Variants in NBEAL1 observed in about 807,000 individuals in gnomAD.
The protein encoded by NBEAL1 is neurobeachin like 1, also known as neurobeachin-like protein 1.
Under a neutral mutation model 351.3 loss-of-function variants are expected in NBEAL1, and 273 were observed. That is an observed-to-expected ratio of 0.78 (90% confidence interval 0.70 to 0.86). The LOEUF (loss-of-function observed/expected upper bound fraction) is 0.86, where lower values mean the gene tolerates loss of function less well. NBEAL1 is among the 40% of genes least tolerant of loss of function. The pLI is 0.00. For missense variants in NBEAL1, 2,961 were observed against 3,201.3 expected, an observed-to-expected ratio of 0.92 and a Z score of 1.81; for synonymous variants, 1,050 against 1,086.4, an observed-to-expected ratio of 0.97 and a Z score of 0.66.
chr2:203,049,902 A>G lies in NBEAL1; in HGVS notation c.232A>G (p.Met78Val), dbSNP rs2061297582. ...RIQLLQCVQK[M>V]ADGLEEQQQA... is the part of the protein sequence containing the mutation. Reference sequence around the variant, plus strand: ...CCAGCTTCTACAGTGTGTTCAGAAAATGGCAGATGGGTTAGAGGAACAACA... The same window carrying G: ...CCAGCTTCTACAGTGTGTTCAGAAAGTGGCAGATGGGTTAGAGGAACAACA... The change falls in exon 4 of 56, where the codon ATG becomes GTG. Residue 78 changes from methionine (M) to valine (V), a missense_variant. Transcript: ENST00000683969. The G allele has an allele frequency of 1.3e-6, 2 of 1,557,002 alleles. No individual in the cohort carries two copies. The highest frequency in any genetic ancestry group is 2.7e-5 in the African/African-American group (2 of 73,928).
chr2:203,166,258 C>A lies in NBEAL1; in HGVS notation c.5824C>A (p.His1942Asn). The A allele has an allele frequency of 6.2e-7, 1 of 1,611,040 alleles. No individual in the cohort carries two copies. Among genetic ancestry groups the A allele is most frequent in the African/African-American group, 1.3e-5 (1 of 74,884 alleles). ...TGGCAGATTAGAAATCACTACTCAA[C>A]ACATTTACTTCTATGATGGCAGCAT... Reference protein sequence around the residue: ...IPGRLEITTQHIYFYDGSIEK... With the variant: ...IPGRLEITTQNIYFYDGSIEK... The change falls in exon 37 of 56, where the codon CAC becomes AAC. Residue 1942 changes from histidine to asparagine, a missense_variant. Coordinates refer to ENST00000683969, the MANE Select transcript of NBEAL1 (RefSeq NM_001378026.1).
chr2:203,145,797 CAA>C (rs56382460), intron 33 of NBEAL1, among the ~76,000 whole-genome samples: 2,299 of 86,136 alleles, frequency 0.027, 14 homozygotes, highest in Middle Eastern at 0.041. Flanking sequence ...GACTCCATCT[CAA>C]AAAAAAAAAA....
chr2:203,078,782 C>G (rs1326088465), intron 8 of NBEAL1, among the ~76,000 whole-genome samples: 1 of 152,156 alleles, frequency 6.6e-6, no homozygotes, highest in Non-Finnish European at 1.5e-5. Flanking sequence ...CACACGTCCC[C>G]TTGGCAATCT....
At chr2:203,185,532 A>G (rs1424982161) in intron 44 of NBEAL1, among the ~76,000 whole-genome samples, 1 of 152,142 alleles carries the variant, frequency 6.6e-6, no homozygotes, top group Non-Finnish European at 1.5e-5. Flanking sequence ...GTATAACAAT[A>G]AAAAGAAAGT....
rs2062586671 is a variant in NBEAL1 at position 203,112,105 on chromosome 2, A to G, written c.2202+7A>G. ...ATTTCCTGCCATGAATGAAGTAAGT[A>G]TATCCAACCTACTCTTTACGGGCCC... On this transcript the variant is annotated splice_region_variant and intron_variant, in intron 16 of 55. Coordinates refer to ENST00000683969, the MANE Select transcript of NBEAL1 (RefSeq NM_001378026.1). 1 of 1,550,510 alleles carries G rather than the reference A, an allele frequency of 6.4e-7. No individual in the cohort carries two copies. The highest frequency in any genetic ancestry group is 8.7e-7 in the Non-Finnish European group (1 of 1,146,760).
At chr2:203,209,696 CTATT>C (rs929847138) in intron 53 of NBEAL1, among the ~76,000 whole-genome samples, 4 of 124,172 alleles carry the variant, frequency 3.2e-5, no homozygotes, top group African/African-American at 8.6e-5. Context: ...AGTGACATCA[CTATT>C]TATTTAATTA....
rs2065914416 is a variant in NBEAL1 at position 203,217,900 on chromosome 2, G to A, written c.*546G>A. 1 of 979,010 alleles carries A rather than the reference G, an allele frequency of 1.0e-6. No homozygotes were observed. The highest frequency in any genetic ancestry group is 1.2e-6 in the Non-Finnish European group (1 of 824,140). The allele number at this position is 979,010 out of a possible 1,614,324, so 60.6% of individuals were successfully genotyped here. ...TAAGAATATTGAAACTGGTACATTA[G>A]CTAATTCTATTACTACTTAGCGTGT... On this transcript the variant is annotated 3_prime_UTR_variant, in exon 56 of 56. Transcript: ENST00000683969.
intron 31 of NBEAL1, among the ~76,000 whole-genome samples, chr2:203,141,626 G>A (rs148936985): frequency 6.1e-4 from 92 of 151,188 alleles, no homozygotes; most frequent in Non-Finnish European, 9.4e-4. Context: ...CATGTGATCC[G>A]CCCACCTCAT....
rs974360048 is a variant in NBEAL1 at position 203,056,410 on chromosome 2, G to A, written c.306-17G>A. The A allele has an allele frequency of 5.6e-6, 8 of 1,433,374 alleles. No individual in the cohort carries two copies. Among genetic ancestry groups the A allele is most frequent in the Non-Finnish European group, 7.7e-6 (8 of 1,039,898 alleles). The allele number at this position is 1,433,374 out of a possible 1,614,324, so 88.8% of individuals were successfully genotyped here. Reference sequence around the variant, plus strand: ...CACCATTCTTATGTAAAAAATTAAAGTCTCTTTTTCTCACAGAAATCTATC... The same window carrying A: ...CACCATTCTTATGTAAAAAATTAAAATCTCTTTTTCTCACAGAAATCTATC... On this transcript the variant is annotated splice_polypyrimidine_tract_variant and intron_variant, in intron 4 of 55. Transcript: ENST00000683969.
rs184273577 is a variant in NBEAL1, at chr2:203,101,378, A to T, written c.1269+1666A>T. The stretch of plus-strand genomic sequence containing the variant: ...TCTATGTGTCTGTTTTTGTACCAGT[A>T]CTATGTTGTTGTGGTTACTGTAATC... On this transcript the variant is annotated intron_variant, in intron 12 of 55. Coordinates refer to ENST00000683969, the MANE Select transcript of NBEAL1 (RefSeq NM_001378026.1). Among the ~76,000 whole-genome samples the T allele has an allele frequency of 3.2e-4, 48 of 152,308 alleles. 2 individuals carry two copies. In the East Asian group the frequency reaches 8.1e-3, roughly 26 times the overall value.
chr2:203,110,674 A>AAATAAAT (rs1553610986), intron 15 of NBEAL1, among the ~76,000 whole-genome samples: 10 of 130,880 alleles, frequency 7.6e-5, no homozygotes, highest in Non-Finnish European at 1.2e-4. Context: ...ATCCTGTCTC[A>AAATAAAT]AAATAAATAA....
At chr2:203,108,782 C>G (rs2062497323) in intron 14 of NBEAL1, among the ~76,000 whole-genome samples, 1 of 152,166 alleles carries the variant, frequency 6.6e-6, no homozygotes, top group African/African-American at 2.4e-5. Flanking sequence ...GGTGTGGTGG[C>G]ACACTTGTAA....
chr2:203,160,625 G>A (rs574660080), intron 36 of NBEAL1, among the ~76,000 whole-genome samples: 1 of 151,814 alleles, frequency 6.6e-6, no homozygotes, highest in South Asian at 2.1e-4. Context: ...CATAATTTTT[G>A]TAAAAAAAAC....
chr2:203,149,199 C>G (rs1346959987), intron 34 of NBEAL1, 51 bp downstream of exon 34: 2 of 1,416,070 alleles, frequency 1.4e-6, no homozygotes, highest in Non-Finnish European at 1.9e-6. Flanking sequence ...GTACTCTGGT[C>G]TAGAAATTTT....
intron 7 of NBEAL1, among the ~76,000 whole-genome samples, chr2:203,071,845 GCCTAAAACCTAGTAA>G (rs762039609): frequency 6.6e-5 from 10 of 152,332 alleles, no homozygotes; most frequent in Non-Finnish European, 1.3e-4. Flanking sequence ...TCTCAGGTAA[GCCTAAAACCTAGTAA>G]GGTAAATTCT....
intron 2 of NBEAL1, chr2:203,040,063 A>G (rs2061113862): frequency 1.4e-6 from 1 of 696,738 alleles, no homozygotes; most frequent in South Asian, 1.7e-5. Context: ...TTAAAAAATG[A>G]CTTGGGGTGG....
intron 20 of NBEAL1, 83 bp from the exon 21 acceptor site, chr2:203,125,877 A>G: frequency 1.7e-6 from 2 of 1,153,518 alleles, no homozygotes; most frequent in Non-Finnish European, 2.4e-6. Flanking sequence ...TACTTTGTGT[A>G]ACAGTGTGCA....
intron 10 of NBEAL1, among the ~76,000 whole-genome samples, chr2:203,088,078 C>T (rs1018394329): frequency 5.3e-5 from 8 of 152,064 alleles, no homozygotes; most frequent in African/African-American, 1.9e-4. Context: ...TACTCTATAG[C>T]TAGTATTTTA....
intron 4 of NBEAL1, among the ~76,000 whole-genome samples, chr2:203,050,906 T>C (rs961762865): frequency 2.0e-5 from 3 of 152,230 alleles, no homozygotes; most frequent in Admixed American, 6.5e-5. Flanking sequence ...TCAAGAACCA[T>C]TGGTTTATTG....
Sources: allele counts gnomAD v4.1 joint callset (sites outside exome capture counted in the v4.1 genomes callset), GRCh38; gene constraint gnomAD v4.1.1; transcripts MANE v1.5; gene names NCBI Gene and HGNC (gene_info 2026-07-23, HGNC 2026-07-21).